FBRSL1: variants seen among roughly 807,000 people sequenced by gnomAD.
FBRSL1 encodes fibrosin-1-like protein.
In FBRSL1, 51 loss-of-function variants were observed where a neutral mutation model predicts 89.6. That is an observed-to-expected ratio of 0.57 (90% CI 0.45 to 0.72). The LOEUF is 0.72. Among genes scored for constraint, FBRSL1 ranks in the 30% least tolerant of loss-of-function variants. The pLI is 0.00. For missense variants in FBRSL1, 1,618 were observed against 1,451.8 expected (o/e 1.11, Z -1.86); for synonymous variants, 779 against 681.1 (o/e 1.14, Z -2.24).
intron 1 of FBRSL1, among the ~76,000 whole-genome samples, chr12:132,501,853 C>T (rs573711437): frequency 6.6e-6 from 1 of 152,314 alleles, no homozygotes; most frequent in East Asian, 1.9e-4. Flanking sequence ...CTCCTTCCTT[C>T]GACTGCCCAG....
At chr12:132,581,685 G>T in intron 16 of FBRSL1, 56 bp from the exon 17 acceptor site, 1 of 1,532,130 alleles carries the variant, frequency 6.5e-7, no homozygotes, top group Non-Finnish European at 8.8e-7. Flanking sequence ...ACTGGGCCAG[G>T]TGGGAGCCGC....
At chr12:132,580,701 G>A in intron 15 of FBRSL1, 3 of 891,900 alleles carry the variant, frequency 3.4e-6, no homozygotes, top group Non-Finnish European at 4.0e-6. Flanking sequence ...CGTCCTACAT[G>A]GGAGGCATGA....
At chr12:132,503,201 C>T (rs1182395814) in intron 1 of FBRSL1, among the ~76,000 whole-genome samples, 1 of 151,828 alleles carries the variant, frequency 6.6e-6, no homozygotes, top group Non-Finnish European at 1.5e-5. Context: ...TGTCAGCCAG[C>T]CCCGAGAGGC....
chr12:132,521,707 T>C (rs1005817091), intron 2 of FBRSL1, among the ~76,000 whole-genome samples: 26 of 152,062 alleles, frequency 1.7e-4, no homozygotes, highest in Admixed American at 1.6e-3. Context: ...GGCTGCAGAG[T>C]ATGGCTGTCA....
In FBRSL1 at chr12:132,508,304, C is replaced by G; in HGVS notation, c.443C>G (p.Pro148Arg). Residue 148 changes from proline (P) to arginine (R), a missense_variant, in exon 2 of 19, where the codon CCC (proline) becomes CGC (arginine). By Grantham distance (103) the Pro-to-Arg change is moderately radical. Coordinates refer to ENST00000680143, the MANE Select transcript of FBRSL1 (RefSeq NM_001367871.1). ...GGCAGCCCCGGGCAGGACCTCGAAC[C>G]CGCCTGCGATGGGGCGAGAAAGGTC... ...EAGSPGQDLE[P>R]ACDGARKVPL... is the part of the protein sequence containing the mutation. The G allele has an allele frequency of 6.5e-7, 1 of 1,548,678 alleles. No individual in the cohort carries two copies. The highest frequency in any genetic ancestry group is 8.7e-7 in the Non-Finnish European group (1 of 1,146,244).
At position 132,527,768 on chromosome 12, in the gene FBRSL1, TGGGCTGCGGGGCTGCCGGGCAGGGTTGA is replaced by T. The variant is rs1310592041; in HGVS notation, c.580-179_580-152del. On this transcript the variant is annotated intron_variant, in intron 3 of 18. Transcript: ENST00000680143. ...GCTGTGGGGCTGTGGGGCAGGGTTGTGGGCTGCGGGGCTGCCGGGCAGGGTTGAGGGCTTCGGGTCTGTGGATCTGCGG... is the reference window on the plus strand; with the variant it reads ...GCTGTGGGGCTGTGGGGCAGGGTTGTGGGCTTCGGGTCTGTGGATCTGCGG... Among the ~76,000 whole-genome samples, 599 of 122,598 alleles carry T rather than the reference TGGGCTGCGGGGCTGCCGGGCAGGGTTGA, an allele frequency of 4.9e-3. 11 individuals carry two copies. The East Asian group carries it at 0.052, about 11-fold the overall frequency. 80.4% of individuals were successfully genotyped at this position (122,598 alleles called of 152,430 possible). A position where few individuals can be genotyped will look rare whatever the true frequency, so the allele number is the denominator to read the frequency against.
chr12:132,569,845 C>T, intron 6 of FBRSL1, 81 bp from the exon 7 acceptor site: 1 of 1,105,926 alleles, frequency 9.0e-7, no homozygotes, highest in South Asian at 2.4e-5. Flanking sequence ...GGGCACCGGG[C>T]ACGTACCAGG....
At chr12:132,561,661 G>A (rs1446103983) in intron 5 of FBRSL1, among the ~76,000 whole-genome samples, 6 of 152,160 alleles carry the variant, frequency 3.9e-5, no homozygotes, top group Non-Finnish European at 8.8e-5. Context: ...CCACAGAGGG[G>A]GCAGTTAACA....
intron 4 of FBRSL1, among the ~76,000 whole-genome samples, chr12:132,528,437 A>C (rs1231251621): frequency 6.6e-6 from 1 of 152,038 alleles, no homozygotes; most frequent in Non-Finnish European, 1.5e-5. Flanking sequence ...CAATGCCCTG[A>C]CCGGCACCTG....
chr12:132,491,092 G>A (rs2030836865), intron 1 of FBRSL1, among the ~76,000 whole-genome samples: 1 of 152,232 alleles, frequency 6.6e-6, no homozygotes. Flanking sequence ...GACGTTTTAA[G>A]TTGCAGAGGC....
At chr12:132,571,537 G>C (rs775670191) in intron 9 of FBRSL1, 26 of 1,469,332 alleles carry the variant, frequency 1.8e-5, no homozygotes, top group Non-Finnish European at 1.8e-6. Context: ...GCGTAGGCCC[G>C]CGTGCTGGCA....
chr12:132,580,034 G>A (rs1426046722), intron 15 of FBRSL1, among the ~76,000 whole-genome samples: 4 of 152,098 alleles, frequency 2.6e-5, no homozygotes, highest in East Asian at 1.9e-4. Context: ...TGGCTGTGTC[G>A]TCTTTTTTCC....
chr12:132,545,298 C>T (rs1418492626), intron 4 of FBRSL1, among the ~76,000 whole-genome samples: 1 of 152,250 alleles, frequency 6.6e-6, no homozygotes, highest in African/African-American at 2.4e-5. Context: ...ATGGTCGCCT[C>T]ACTCGGGCAG....
rs527349186 is a variant in FBRSL1 at position 132,495,117 on chromosome 12, C to T, written c.291+4256C>T. On this transcript the variant is annotated intron_variant, in intron 1 of 18. Transcript: ENST00000680143. ...GTACAGGTTTTGAGACACGGCCCGTCGTGGGGAATGTGAGGGTGTGAGGGA... is the reference window on the plus strand; with the variant it reads ...GTACAGGTTTTGAGACACGGCCCGTTGTGGGGAATGTGAGGGTGTGAGGGA... 5.9e-5 allele frequency among the ~76,000 whole-genome samples: 9 copies of T among 152,314 alleles called. No homozygotes were observed. In the South Asian group the frequency reaches 6.2e-4, roughly 11 times the overall value.
intron 2 of FBRSL1, among the ~76,000 whole-genome samples, chr12:132,517,982 G>A (rs536613728): frequency 6.6e-4 from 100 of 152,240 alleles, no homozygotes; most frequent in African/African-American, 2.3e-3. Context: ...GGTGGAGCCA[G>A]GAGTCCAGTG....
intron 2 of FBRSL1, among the ~76,000 whole-genome samples, chr12:132,517,888 GC>G (rs1340156642): frequency 6.7e-4 from 102 of 152,262 alleles, no homozygotes; most frequent in African/African-American, 2.3e-3. Flanking sequence ...GGAGGGGGTG[GC>G]AGTGGCTTGA....
chr12:132,539,062 T>C (rs535693469), intron 4 of FBRSL1, among the ~76,000 whole-genome samples: 8 of 151,280 alleles, frequency 5.3e-5, no homozygotes, highest in African/African-American at 1.9e-4. Flanking sequence ...GTCCTCAGTT[T>C]CCCCATCCGG....
intron 2 of FBRSL1, among the ~76,000 whole-genome samples, chr12:132,508,592 T>C (rs1475819206): frequency 6.6e-6 from 1 of 152,176 alleles, no homozygotes; most frequent in Admixed American, 6.5e-5. Context: ...GGTGCCTGTC[T>C]GGGGCAGCAA....
intron 1 of FBRSL1, among the ~76,000 whole-genome samples, chr12:132,492,614 G>A (rs2031236430): frequency 6.6e-6 from 1 of 152,238 alleles, no homozygotes; most frequent in Non-Finnish European, 1.5e-5. Flanking sequence ...TGCCCGCAGC[G>A]GCTCTGACTG....
Sources: gnomAD v4.1 joint callset for allele counts (sites outside exome capture counted in the v4.1 genomes callset) on GRCh38, gnomAD v4.1.1 for gene constraint, MANE v1.5 for transcripts, NCBI Gene and HGNC (gene_info 2026-07-23, HGNC 2026-07-21) for gene names.